Variants in RUNX1 observed in about 807,000 individuals in gnomAD.
RUNX1 encodes the protein RUNX family transcription factor 1.
A neutral mutation model predicts 42.8 loss-of-function variants in RUNX1; 19 were observed. The ratio of observed to expected loss-of-function variants is 0.44; its 90% CI spans 0.31 to 0.65. The LOEUF is 0.65. Among genes scored for constraint, RUNX1 ranks in the 30% least tolerant of loss-of-function variants. RUNX1 has a pLI of 0.07. For missense variants in RUNX1, 528 were observed against 672.0 expected (o/e 0.79, Z 2.37); for synonymous variants, 271 against 289.4 (o/e 0.94, Z 0.64).
At chr21:34,930,239 T>TATACGTATATATATTATATATACATG (rs1299650215) in intron 2 of RUNX1, among the ~76,000 whole-genome samples, 1 of 130,638 alleles carries the variant, frequency 7.7e-6, no homozygotes, top group Admixed American at 7.5e-5. Context: ...TATATACATA[T>TATACGTATATATATTATATATACATG]TATATATGTA....
chr21:34,969,238 G>A (rs1479919742), intron 2 of RUNX1, among the ~76,000 whole-genome samples: 1 of 152,172 alleles, frequency 6.6e-6, no homozygotes, highest in Non-Finnish European at 1.5e-5. Context: ...GCAAGCTGAA[G>A]ATGGTTACCC....
At chr21:35,037,994 C>T (rs140185936) in intron 2 of RUNX1, among the ~76,000 whole-genome samples, 5 of 151,532 alleles carry the variant, frequency 3.3e-5, no homozygotes, top group Admixed American at 6.6e-5. Context: ...TTGAGGTTGG[C>T]GGAGATGGCT....
At chr21:35,036,802 C>A (rs571806910) in intron 2 of RUNX1, among the ~76,000 whole-genome samples, 1 of 152,328 alleles carries the variant, frequency 6.6e-6, no homozygotes, top group South Asian at 2.1e-4. Flanking sequence ...ACAGCTGAAA[C>A]AACTGCTTCT....
At chr21:34,951,955 C>T (rs936479134) in intron 2 of RUNX1, among the ~76,000 whole-genome samples, 12 of 152,100 alleles carry the variant, frequency 7.9e-5, no homozygotes, top group Non-Finnish European at 1.8e-4. Context: ...TTATTCACAA[C>T]AGCAAAGACT....
intron 7 of RUNX1, among the ~76,000 whole-genome samples, chr21:34,831,557 A>G (rs1167639226): frequency 6.6e-6 from 1 of 152,210 alleles, no homozygotes; most frequent in East Asian, 1.9e-4. Context: ...AAGCTCGCCA[A>G]ACCCCCGGTT....
chr21:34,847,664 G>A (rs2057336696), intron 6 of RUNX1, among the ~76,000 whole-genome samples: 1 of 152,116 alleles, frequency 6.6e-6, no homozygotes, highest in Non-Finnish European at 1.5e-5. Context: ...TCAGAGCTTT[G>A]CAGGTCACAC....
rs938031520 is a variant in RUNX1, at chr21:34,814,881, A to G, written c.806-15419T>C. On this transcript the variant is annotated intron_variant, in intron 7 of 8. Transcript: ENST00000675419. The stretch of plus-strand genomic sequence containing the variant: ...TTTTCAACAAGAAAATGCAAGTACC[A>G]ACAAAAGCCTATTATAACATCTCCC... Among the ~76,000 whole-genome samples the G allele has an allele frequency of 2.6e-5, 4 of 152,264 alleles. No homozygotes were observed. The East Asian group carries it at 7.7e-4, about 29-fold the overall frequency.
chr21:34,836,014 A>G (rs1243864355), intron 6 of RUNX1, among the ~76,000 whole-genome samples: 2 of 152,224 alleles, frequency 1.3e-5, no homozygotes, highest in Non-Finnish European at 2.9e-5. Context: ...CACAGTTGAC[A>G]TTGTCTCAAA....
chr21:34,810,327 G>A (rs542632495), intron 7 of RUNX1, among the ~76,000 whole-genome samples: 20 of 152,228 alleles, frequency 1.3e-4, no homozygotes, highest in Non-Finnish European at 2.5e-4. Context: ...TTTTATGCCA[G>A]GGATTCTGGT....
intron 7 of RUNX1, among the ~76,000 whole-genome samples, chr21:34,816,439 T>C (rs1447660770): frequency 1.3e-5 from 2 of 152,034 alleles, no homozygotes; most frequent in Non-Finnish European, 2.9e-5. Flanking sequence ...GTGGTGGTGG[T>C]TGAGTTTTTA....
In RUNX1 at chr21:34,873,464, G is replaced by A. The variant is rs531544416; in HGVS notation, c.508+7093C>T. On this transcript the variant is annotated intron_variant, in intron 5 of 8. Transcript: ENST00000675419. ...AAGGTAAAAGCCCAAATTAATCTAA[G>A]TTGAGAAATAAACAGGAAATGTACT... is the stretch of plus-strand genomic sequence containing the variant. Among the ~76,000 whole-genome samples, 7 of 152,316 alleles carry A rather than the reference G, an allele frequency of 4.6e-5. No homozygotes were observed. In the South Asian group the frequency reaches 1.4e-3, roughly 32 times the overall value.
At chr21:34,983,745 C>T (rs1042664141) in intron 2 of RUNX1, among the ~76,000 whole-genome samples, 2 of 152,106 alleles carry the variant, frequency 1.3e-5, no homozygotes, top group Admixed American at 6.5e-5. Flanking sequence ...GTTTGAGACT[C>T]ACTATTTCAG....
At chr21:35,022,134 G>C (rs898984092) in intron 2 of RUNX1, among the ~76,000 whole-genome samples, 27 of 152,346 alleles carry the variant, frequency 1.8e-4, no homozygotes, top group African/African-American at 6.3e-4. Flanking sequence ...GTAGCTGAGA[G>C]CGGGTGTAGA....
chr21:34,911,480 T>TG (rs2058271802), intron 2 of RUNX1, among the ~76,000 whole-genome samples: 1 of 152,144 alleles, frequency 6.6e-6, no homozygotes, highest in Non-Finnish European at 1.5e-5. Context: ...TGCAGTCTGC[T>TG]CAGGGTTGGA....
intron 2 of RUNX1, among the ~76,000 whole-genome samples, chr21:34,938,015 G>T (rs2058499092): frequency 6.6e-6 from 1 of 152,160 alleles, no homozygotes; most frequent in Non-Finnish European, 1.5e-5. Flanking sequence ...AGGCAGTCCT[G>T]CATTTCAGAT....
chr21:35,005,127 T>C (rs1319119252), intron 2 of RUNX1, among the ~76,000 whole-genome samples: 1 of 151,658 alleles, frequency 6.6e-6, no homozygotes, highest in Admixed American at 6.6e-5. Flanking sequence ...CCAGAAATCA[T>C]GTTTTTTTTT....
At chr21:35,027,948 T>A (rs2059248509) in intron 2 of RUNX1, among the ~76,000 whole-genome samples, 1 of 152,222 alleles carries the variant, frequency 6.6e-6, no homozygotes, top group Non-Finnish European at 1.5e-5. Context: ...TGTTTCTGAG[T>A]CATGTTTAAT....
intron 2 of RUNX1, among the ~76,000 whole-genome samples, chr21:35,002,327 CTTAT>C (rs1240666713): frequency 3.3e-5 from 5 of 151,862 alleles, no homozygotes; most frequent in Admixed American, 6.6e-5. Context: ...CCAGCTGCCC[CTTAT>C]TTGTCTTATG....
Position 34,930,297 on chromosome 21 carries a change from A to ATATATATATATATGT in RUNX1, c.59-37335_59-37334insACATATATATATATA, listed in dbSNP as rs1569110430. Among the ~76,000 whole-genome samples, 27 of 131,036 alleles carry ATATATATATATATGT rather than the reference A, an allele frequency of 2.1e-4. 3 individuals carry two copies. Among genetic ancestry groups the ATATATATATATATGT allele is most frequent in the Middle Eastern group, 3.8e-3 (1 of 262 alleles). 86.0% of individuals were successfully genotyped at this position (131,036 alleles called of 152,430 possible). A position where few individuals can be genotyped will look rare whatever the true frequency, so the allele number is the denominator to read the frequency against. ...ATATATATATATATATATATAAATA[A>ATATATATATATATGT]ATAAATAAAATTTTACAACTAACAT... On this transcript the variant is annotated intron_variant, in intron 2 of 8. Coordinates refer to ENST00000675419, the MANE Select transcript of RUNX1 (RefSeq NM_001754.5).
Sources: gnomAD v4.1 joint callset for allele counts (sites outside exome capture counted in the v4.1 genomes callset) on GRCh38, gnomAD v4.1.1 for gene constraint, MANE v1.5 for transcripts, NCBI Gene and HGNC (gene_info 2026-07-23, HGNC 2026-07-21) for gene names.